Variants in MAGI1 observed in about 807,000 individuals in gnomAD.
MAGI1 encodes the protein membrane associated guanylate kinase, WW and PDZ domain containing 1.
MAGI1 carries 58 observed loss-of-function variants against 139.9 expected under a neutral mutation model. That is an observed-to-expected ratio of 0.41 (90% confidence interval 0.34 to 0.52). The LOEUF (loss-of-function observed/expected upper bound fraction) is 0.52, where lower values mean the gene tolerates loss of function less well. MAGI1 is among the 20% of genes least tolerant of loss of function. The probability of loss-of-function intolerance (pLI) is 0.12; values close to 1 mark genes in which losing one functional copy is unlikely to be tolerated. For synonymous variants in MAGI1, 812 were observed against 737.9 expected (o/e 1.10, Z -1.63); for missense variants, 1,874 against 1,901.6 (o/e 0.99, Z 0.27).
chr3:65,597,117 C>T (rs191603734), intron 2 of MAGI1, among the ~76,000 whole-genome samples: 283 of 152,114 alleles, frequency 1.9e-3, no homozygotes, highest in Middle Eastern at 3.4e-3. Context: ...CAGCAACATA[C>T]ATTTACCAAC....
intron 12 of MAGI1, among the ~76,000 whole-genome samples, chr3:65,418,390 TACTACTAGG>T (rs757488438): frequency 7.9e-5 from 12 of 152,166 alleles, no homozygotes; most frequent in Non-Finnish European, 1.3e-4. Context: ...TTGTGGCTAT[TACTACTAGG>T]ACTATGAAAT....
intron 1 of MAGI1, among the ~76,000 whole-genome samples, chr3:65,796,883 G>A (rs2040185066): frequency 2.0e-5 from 3 of 152,230 alleles, no homozygotes; most frequent in Non-Finnish European, 4.4e-5. Flanking sequence ...GAAACAGGCT[G>A]TGGGTCAGAT....
chr3:65,768,459 A>G (rs1301849744), intron 1 of MAGI1, among the ~76,000 whole-genome samples: 4 of 152,160 alleles, frequency 2.6e-5, no homozygotes, highest in Non-Finnish European at 5.9e-5. Flanking sequence ...TGGTGCCACC[A>G]TATTAAATTC....
intron 15 of MAGI1, 97 bp from the exon 16 acceptor site, chr3:65,382,166 G>T: frequency 9.6e-7 from 1 of 1,045,878 alleles, no homozygotes; most frequent in Non-Finnish European, 1.4e-6. Context: ...ATTCATTCAT[G>T]TCTGCAGGCA....
chr3:65,903,041 T>G (rs963525906), intron 1 of MAGI1, among the ~76,000 whole-genome samples: 2 of 151,812 alleles, frequency 1.3e-5, no homozygotes, highest in Non-Finnish European at 2.9e-5. Context: ...CAAGTTAGAG[T>G]ACACTGGCGC....
At chr3:65,392,247 G>A (rs1378260450) in intron 13 of MAGI1, among the ~76,000 whole-genome samples, 1 of 152,182 alleles carries the variant, frequency 6.6e-6, no homozygotes, top group Non-Finnish European at 1.5e-5. Context: ...GGAATGAATG[G>A]AGAGTAAGAC....
intron 2 of MAGI1, among the ~76,000 whole-genome samples, chr3:65,608,553 T>C (rs951450200): frequency 2.6e-5 from 4 of 152,126 alleles, no homozygotes; most frequent in African/African-American, 9.7e-5. Flanking sequence ...TCATTCTACA[T>C]CAGAAAAATG....
chr3:65,415,984 C>A (rs1431838295), intron 12 of MAGI1, among the ~76,000 whole-genome samples: 1 of 152,084 alleles, frequency 6.6e-6, no homozygotes, highest in African/African-American at 2.4e-5. Context: ...TTTTTCAATG[C>A]AATCATCTGC....
intron 1 of MAGI1, among the ~76,000 whole-genome samples, chr3:65,647,484 A>G (rs2107286177): frequency 6.6e-6 from 1 of 152,246 alleles, no homozygotes; most frequent in South Asian, 2.1e-4. Flanking sequence ...TAAGCATTCT[A>G]AAAAACAAAC....
intron 4 of MAGI1, among the ~76,000 whole-genome samples, chr3:65,474,692 C>T (rs1950766489): frequency 1.3e-5 from 2 of 152,034 alleles, no homozygotes; most frequent in South Asian, 4.2e-4. Flanking sequence ...TAAGCCAAGT[C>T]AAAGAAGATT....
chr3:65,524,457 C>G (rs1328174790), intron 2 of MAGI1, among the ~76,000 whole-genome samples: 2 of 152,144 alleles, frequency 1.3e-5, no homozygotes, highest in Middle Eastern at 3.2e-3. Context: ...TTTCATTACT[C>G]TTATAGAAAA....
chr3:65,640,098 C>T (rs2084903419), intron 1 of MAGI1, among the ~76,000 whole-genome samples: 1 of 152,062 alleles, frequency 6.6e-6, no homozygotes, highest in Non-Finnish European at 1.5e-5. Flanking sequence ...TCAGGTCCAC[C>T]AGCCTTCAAA....
intron 2 of MAGI1, among the ~76,000 whole-genome samples, chr3:65,529,621 T>G (rs1266433291): frequency 6.6e-6 from 1 of 152,214 alleles, no homozygotes; most frequent in Non-Finnish European, 1.5e-5. Context: ...TGATGGACAT[T>G]TAAGTTGTTT....
intron 1 of MAGI1, among the ~76,000 whole-genome samples, chr3:65,876,316 T>C (rs892837530): frequency 2.0e-5 from 3 of 151,710 alleles, no homozygotes; most frequent in African/African-American, 7.3e-5. Context: ...CTGGGCAATA[T>C]GGTAAGAATC....
intron 18 of MAGI1, among the ~76,000 whole-genome samples, chr3:65,369,497 C>G (rs1473872793): frequency 6.6e-6 from 1 of 151,806 alleles, no homozygotes; most frequent in Non-Finnish European, 1.5e-5. Flanking sequence ...AACAGTGTCC[C>G]AGACGTGATG....
chr3:65,901,712 C>A (rs904539438), intron 1 of MAGI1, among the ~76,000 whole-genome samples: 4 of 152,152 alleles, frequency 2.6e-5, no homozygotes, highest in South Asian at 2.1e-4. Flanking sequence ...CTGGTCCAAT[C>A]CCCAGATTCT....
intron 2 of MAGI1, among the ~76,000 whole-genome samples, chr3:65,611,150 T>C (rs942469385): frequency 4.3e-5 from 6 of 140,432 alleles, no homozygotes; most frequent in Non-Finnish European, 7.6e-5. Context: ...GTATATAGTA[T>C]ATATACAGTA....
At chr3:65,604,509 C>G (rs903438043) in intron 2 of MAGI1, among the ~76,000 whole-genome samples, 1 of 152,028 alleles carries the variant, frequency 6.6e-6, no homozygotes, top group African/African-American at 2.4e-5. Flanking sequence ...GGATGTTTTT[C>G]CTGGCTTGTG....
chr3:65,626,319 C>A (rs1358295510), intron 1 of MAGI1, among the ~76,000 whole-genome samples: 1 of 151,886 alleles, frequency 6.6e-6, no homozygotes. Flanking sequence ...GATTGGAAAC[C>A]ATTTTACTTT....
Sources: gnomAD v4.1 joint callset for allele counts (sites outside exome capture counted in the v4.1 genomes callset) on GRCh38, gnomAD v4.1.1 for gene constraint, MANE v1.5 for transcripts, NCBI Gene and HGNC (gene_info 2026-07-23, HGNC 2026-07-21) for gene names.